Variants in ABLIM1 observed in about 807,000 individuals in gnomAD.
ABLIM1 encodes the protein actin-binding LIM protein 1.
ABLIM1 carries 40 observed loss-of-function variants against 107.0 expected under a neutral mutation model. That is an observed-to-expected ratio of 0.37 (90% CI 0.29 to 0.49). ABLIM1 has a LOEUF of 0.49. ABLIM1 is among the 20% of genes least tolerant of loss of function. ABLIM1 has a pLI of 0.97. For synonymous variants in ABLIM1, 357 were observed against 357.3 expected (o/e 1.00, Z 0.01); for missense variants, 857 against 1,008.5 (o/e 0.85, Z 2.04).
intron 1 of ABLIM1, among the ~76,000 whole-genome samples, chr10:114,754,907 C>CT (rs2082595850): frequency 1.3e-5 from 2 of 152,116 alleles, no homozygotes; most frequent in South Asian, 4.2e-4. Flanking sequence ...ACTGCATCCC[C>CT]TTTTTTTCCT....
At chr10:114,718,070 AAAGGAAGG>A (rs1315295272) in intron 1 of ABLIM1, among the ~76,000 whole-genome samples, 3 of 54,058 alleles carry the variant, frequency 5.5e-5, no homozygotes, top group African/African-American at 9.9e-5. Flanking sequence ...AGAAAGGAAG[AAAGGAAGG>A]AAGGAAGGAA....
chr10:114,791,963 A>G, the ABLIM1 span, among the ~76,000 whole-genome samples: 57,737 of 152,120 alleles, frequency 0.38, 12,032 homozygotes, highest in Non-Finnish European at 0.48. Context: ...CTCTTAACTT[A>G]CTTAATCCTC....
chr10:114,431,364 A>T lies in ABLIM1; in HGVS notation c.*4896T>A, dbSNP rs2058839935. On this transcript the variant is annotated 3_prime_UTR_variant, in exon 23 of 23. Coordinates refer to ENST00000533213, the MANE Select transcript of ABLIM1 (RefSeq NM_002313.7). ...AGCTTTTCAAAAGGAATTCTTCTAA[A>T]CATTTGCTTTCATATTTCCAAAAGG... 6.6e-6 allele frequency: 1 copy of T among 152,192 alleles called. No homozygotes were observed. Among genetic ancestry groups the T allele is most frequent in the Non-Finnish European group, 1.5e-5 (1 of 68,022 alleles). 9.4% of individuals were successfully genotyped at this position (152,192 alleles called of 1,614,324 possible).
chr10:114,710,482 A>C (rs1013254530), intron 1 of ABLIM1, among the ~76,000 whole-genome samples: 1 of 152,198 alleles, frequency 6.6e-6, no homozygotes. Flanking sequence ...CTACCACGAG[A>C]ACAGTATGGG....
At chr10:114,660,737 G>T (rs1214482873), upstream of ABLIM1, among the ~76,000 whole-genome samples, 1 of 152,168 alleles carries the variant, frequency 6.6e-6, no homozygotes, top group East Asian at 1.9e-4. Flanking sequence ...GTGCTTACAT[G>T]GTCTTTTTGT....
intron 1 of ABLIM1, among the ~76,000 whole-genome samples, chr10:114,748,286 A>AT (rs1286512469): frequency 6.6e-6 from 1 of 152,226 alleles, no homozygotes; most frequent in African/African-American, 2.4e-5. Context: ...AAAAGCATAC[A>AT]TAATGGTAAA....
intron 1 of ABLIM1, among the ~76,000 whole-genome samples, chr10:114,604,598 C>A (rs2076283291): frequency 6.6e-6 from 1 of 152,218 alleles, no homozygotes; most frequent in Non-Finnish European, 1.5e-5. Context: ...GTAAACTACT[C>A]AAGTGATTCT....
chr10:114,630,237 A>C (rs184058086), intron 1 of ABLIM1, among the ~76,000 whole-genome samples: 1 of 152,166 alleles, frequency 6.6e-6, no homozygotes, highest in Non-Finnish European at 1.5e-5. Flanking sequence ...CTTTCCCATC[A>C]CTCATAAATT....
At chr10:114,711,130 A>G (rs902372141) in intron 1 of ABLIM1, among the ~76,000 whole-genome samples, 1 of 152,222 alleles carries the variant, frequency 6.6e-6, no homozygotes, top group Admixed American at 6.5e-5. Flanking sequence ...TCCCCTATCA[A>G]TCACAAGAAC....
At chr10:114,788,950 G>C in the ABLIM1 span, among the ~76,000 whole-genome samples, 2 of 151,946 alleles carry the variant, frequency 1.3e-5, no homozygotes, top group South Asian at 4.1e-4. Context: ...TGCTAAATCT[G>C]GCAACCCTTA....
intron 2 of ABLIM1, among the ~76,000 whole-genome samples, chr10:114,596,510 C>A (rs1031661520): frequency 6.6e-6 from 1 of 152,026 alleles, no homozygotes; most frequent in Non-Finnish European, 1.5e-5. Context: ...CACAGCGAGA[C>A]CCCCCATCAC....
chr10:114,668,006 A>C (rs773656490), intron 1 of ABLIM1, among the ~76,000 whole-genome samples: 5 of 151,640 alleles, frequency 3.3e-5, no homozygotes, highest in Non-Finnish European at 5.9e-5. Context: ...CAGTGTTGAC[A>C]CCATGTCATT....
chr10:114,562,486 G>A (rs998281241), intron 4 of ABLIM1, among the ~76,000 whole-genome samples: 8 of 152,124 alleles, frequency 5.3e-5, no homozygotes, highest in Non-Finnish European at 1.0e-4. Flanking sequence ...CCAAGATCGC[G>A]CCACTGCAGT....
At chr10:114,471,526 A>AGTGCAGCTACAGCTAAGTGAC (rs1278028561) in intron 10 of ABLIM1, among the ~76,000 whole-genome samples, 2 of 152,150 alleles carry the variant, frequency 1.3e-5, no homozygotes, top group African/African-American at 4.8e-5. Context: ...AGCGGCCGCA[A>AGTGCAGCTACAGCTAAGTGAC]GTGCAGCTAC....
At chr10:114,574,526 G>A (rs1301566115) in intron 3 of ABLIM1, among the ~76,000 whole-genome samples, 1 of 151,726 alleles carries the variant, frequency 6.6e-6, no homozygotes, top group Non-Finnish European at 1.5e-5. Flanking sequence ...TGCAACCTCC[G>A]CCTCCCGGGT....
At chr10:114,641,916 T>C (rs190715794) in intron 1 of ABLIM1, among the ~76,000 whole-genome samples, 48 of 148,706 alleles carry the variant, frequency 3.2e-4, no homozygotes, top group African/African-American at 1.3e-3. Context: ...AAGGTATCAC[T>C]CTGTTACCCA....
intron 1 of ABLIM1, among the ~76,000 whole-genome samples, chr10:114,739,151 A>C (rs808332): frequency 2.6e-5 from 4 of 152,040 alleles, no homozygotes; most frequent in Admixed American, 2.6e-4. Flanking sequence ...TACAGGTTTG[A>C]ACACACAGAA....
At chr10:114,544,792 T>C (rs2067111099) in intron 6 of ABLIM1, among the ~76,000 whole-genome samples, 1 of 152,194 alleles carries the variant, frequency 6.6e-6, no homozygotes, top group East Asian at 1.9e-4. Flanking sequence ...TTCTTTTTTT[T>C]TTCCTGTGCA....
intron 1 of ABLIM1, among the ~76,000 whole-genome samples, chr10:114,649,838 A>C (rs1293474519): frequency 1.4e-5 from 2 of 146,498 alleles, no homozygotes; most frequent in Non-Finnish European, 3.0e-5. Context: ...GTAACACACA[A>C]TCCATATCCC....
Sources: gnomAD v4.1 joint callset for allele counts (sites outside exome capture counted in the v4.1 genomes callset) on GRCh38, gnomAD v4.1.1 for gene constraint, MANE v1.5 for transcripts, NCBI Gene and HGNC (gene_info 2026-07-23, HGNC 2026-07-21) for gene names.